The following ELAPOR2 variants were observed in gnomAD, a reference collection of about 807,000 sequenced individuals.
ELAPOR2 encodes the protein endosome-lysosome associated apoptosis and autophagy regulator family member 2.
ELAPOR2 carries 89 observed loss-of-function variants against 120.7 expected under a neutral mutation model. The observed-to-expected ratio is 0.74, with a 90% CI of 0.62 to 0.88. The LOEUF (loss-of-function observed/expected upper bound fraction) is 0.88, where lower values mean the gene tolerates loss of function less well. Ranked by LOEUF, ELAPOR2 falls within the 40% of genes least tolerant of loss-of-function variation. The pLI is 0.00. For missense variants in ELAPOR2, 1,134 were observed against 1,251.6 expected (o/e 0.91, Z 1.42); for synonymous variants, 444 against 444.9 (o/e 1.00, Z 0.03).
intron 2 of ELAPOR2, among the ~76,000 whole-genome samples, chr7:86,949,910 G>C (rs766425077): frequency 2.6e-5 from 4 of 152,210 alleles, no homozygotes; most frequent in African/African-American, 4.8e-5. Context: ...GGAAGGGGAT[G>C]GGTCCCACAA....
At chr7:86,997,003 G>C (rs959065284) in intron 1 of ELAPOR2, among the ~76,000 whole-genome samples, 1 of 152,192 alleles carries the variant, frequency 6.6e-6, no homozygotes, top group Admixed American at 6.5e-5. Context: ...CCTGTAGGCA[G>C]TGTTTACTTT....
At position 86,947,816 on chromosome 7, in the gene ELAPOR2, C is replaced by A. The variant is rs1214710279; in HGVS notation, c.417G>T (p.Trp139Cys). The change falls in exon 3 of 22, where the codon TGG (tryptophan) becomes TGT (cysteine). Residue 139 changes from tryptophan (W) to cysteine (C), a missense_variant. Physicochemically the swap from Trp to Cys is radical, Grantham distance 215 (BLOSUM62 -2). This residue lies in a region of ELAPOR2 where 280 missense variants were observed against 331.5 expected (regional missense o/e 0.84). Coordinates refer to ENST00000450689, the MANE Select transcript of ELAPOR2 (RefSeq NM_001142749.3). ...SLGSGIKFDE[W>C]DELPAGFSNI... ...TAGAAAATCCTGCCGGCAATTCATC[C>A]CATTCATCAAATTTGATGCCACTGC... is the stretch of plus-strand genomic sequence containing the variant. The A allele has an allele frequency of 6.4e-7, 1 of 1,551,806 alleles. No individual in the cohort carries two copies. The highest frequency in any genetic ancestry group is 2.0e-5 in the Admixed American group (1 of 50,976).
chr7:86,985,840 C>T (rs976802494), intron 1 of ELAPOR2, among the ~76,000 whole-genome samples: 8 of 151,850 alleles, frequency 5.3e-5, no homozygotes, highest in Non-Finnish European at 2.9e-5. Context: ...ACAACAGGCC[C>T]CAGTGTGTGA....
At chr7:86,944,831 C>A in intron 4 of ELAPOR2, 68 bp downstream of exon 4, 1 of 1,326,954 alleles carries the variant, frequency 7.5e-7, no homozygotes, top group Non-Finnish European at 1.0e-6. Flanking sequence ...GGAATGGGAA[C>A]AACTGACTAA....
At chr7:86,958,025 C>T (rs1224814281) in intron 2 of ELAPOR2, among the ~76,000 whole-genome samples, 4 of 152,120 alleles carry the variant, frequency 2.6e-5, no homozygotes, top group African/African-American at 9.7e-5. Context: ...TAATTTGCAT[C>T]ACATTTCTAT....
At chr7:86,943,204 C>T (rs999074038) in intron 4 of ELAPOR2, among the ~76,000 whole-genome samples, 4 of 151,686 alleles carry the variant, frequency 2.6e-5, no homozygotes, top group Admixed American at 6.6e-5. Flanking sequence ...TGAAAGCAGA[C>T]GTCATATGTT....
At chr7:86,919,674 C>G (rs551637680) in intron 10 of ELAPOR2, 70 of 159,382 alleles carry the variant, frequency 4.4e-4, no homozygotes, top group Non-Finnish European at 2.9e-4. Context: ...AATTACTTAA[C>G]AGAAAAGATT....
At chr7:86,909,406 G>A (rs1239987579) in intron 16 of ELAPOR2, among the ~76,000 whole-genome samples, 1 of 152,016 alleles carries the variant, frequency 6.6e-6, no homozygotes, top group Non-Finnish European at 1.5e-5. Context: ...CCTCACCTTT[G>A]CTGTTTGTCA....
At chr7:87,020,549 T>C (rs1243358379) in intron 1 of ELAPOR2, among the ~76,000 whole-genome samples, 1 of 152,168 alleles carries the variant, frequency 6.6e-6, no homozygotes, top group Non-Finnish European at 1.5e-5. Context: ...TACATTTATA[T>C]GTAACGTCCA....
At chr7:86,892,756 G>A (rs555871916) in intron 20 of ELAPOR2, among the ~76,000 whole-genome samples, 166 bp downstream of exon 20, 19 of 151,958 alleles carry the variant, frequency 1.3e-4, no homozygotes, top group Non-Finnish European at 2.6e-4. Context: ...AATAACAATC[G>A]TTTCCTCTGC....
intron 1 of ELAPOR2, among the ~76,000 whole-genome samples, chr7:87,017,013 C>T (rs1259613329): frequency 6.6e-6 from 1 of 151,908 alleles, no homozygotes; most frequent in African/African-American, 2.4e-5. Context: ...TCATTTTCCA[C>T]AGTTGGAAAA....
chr7:86,986,942 A>G (rs1490160459), intron 1 of ELAPOR2, among the ~76,000 whole-genome samples: 2 of 150,734 alleles, frequency 1.3e-5, no homozygotes, highest in Non-Finnish European at 2.9e-5. Flanking sequence ...CTGACTTCAA[A>G]CTGTACTACA....
intron 13 of ELAPOR2, among the ~76,000 whole-genome samples, chr7:86,914,312 A>G (rs1195413156): frequency 6.6e-6 from 1 of 152,154 alleles, no homozygotes; most frequent in Admixed American, 6.6e-5. Flanking sequence ...AGGAAATATT[A>G]CTGTAACAAA....
Position 86,965,350 on chromosome 7 carries a change from G to C in ELAPOR2, c.190-326C>G, listed in dbSNP as rs529900695. Among the ~76,000 whole-genome samples the C allele has an allele frequency of 4.6e-5, 7 of 152,282 alleles. No individual in the cohort carries two copies. In the South Asian group the frequency reaches 1.2e-3, roughly 27 times the overall value. ...TAAGCTCTAAATAACTGATAGATGT[G>C]AGTAGGAGAAAGAGCAAAATAACAC... On this transcript the variant is annotated intron_variant, in intron 1 of 21. Transcript: ENST00000450689.
intron 1 of ELAPOR2, among the ~76,000 whole-genome samples, chr7:86,992,352 G>T (rs1792970557): frequency 6.6e-6 from 1 of 152,178 alleles, no homozygotes; most frequent in African/African-American, 2.4e-5. Context: ...GATTACTTAA[G>T]CCTGGGAGTT....
chr7:86,896,741 T>C (rs1276835775), intron 19 of ELAPOR2, among the ~76,000 whole-genome samples: 2 of 152,180 alleles, frequency 1.3e-5, no homozygotes, highest in South Asian at 2.1e-4. Flanking sequence ...AAGCAGGCTC[T>C]CTCAAACACT....
At chr7:86,939,074 G>A in intron 6 of ELAPOR2, 114 bp from the exon 7 acceptor site, 2 of 1,112,670 alleles carry the variant, frequency 1.8e-6, no homozygotes, top group Non-Finnish European at 2.6e-6. Flanking sequence ...AGTAAGGTCA[G>A]CCCAAATCTT....
chr7:86,894,897 T>C (rs1315203598), intron 19 of ELAPOR2, among the ~76,000 whole-genome samples: 1 of 152,064 alleles, frequency 6.6e-6, no homozygotes, highest in Non-Finnish European at 1.5e-5. Context: ...TAGAACCCAG[T>C]ATAGATTTTG....
At chr7:86,892,080 T>G (rs1487133621) in intron 20 of ELAPOR2, among the ~76,000 whole-genome samples, 191 bp from the exon 21 acceptor site, 1 of 152,012 alleles carries the variant, frequency 6.6e-6, no homozygotes, top group African/African-American at 2.4e-5. Context: ...CAAAGAAATA[T>G]TTCCCAGGAT....
Sources: gnomAD v4.1 joint callset for allele counts (sites outside exome capture counted in the v4.1 genomes callset) on GRCh38, gnomAD v4.1.1 for gene constraint, gnomAD v4.1.1 regional missense constraint, MANE v1.5 for transcripts, NCBI Gene and HGNC (gene_info 2026-07-23, HGNC 2026-07-21) for gene names.